NFIC: variants seen among roughly 807,000 people sequenced by gnomAD.
NFIC encodes the protein nuclear factor I C.
In NFIC, 12 loss-of-function variants were observed where a neutral mutation model predicts 54.4. The ratio of observed to expected loss-of-function variants is 0.22; its 90% CI spans 0.14 to 0.36. The LOEUF (loss-of-function observed/expected upper bound fraction) is 0.36. NFIC is among the 10% of genes least tolerant of loss of function. The pLI is 1.00. For missense variants in NFIC, 575 were observed against 718.2 expected, an observed-to-expected ratio of 0.80 and a Z score of 2.28; for synonymous variants, 322 against 319.2, an observed-to-expected ratio of 1.01 and a Z score of -0.09.
chr19:3,463,475 C>T lies in NFIC; in HGVS notation c.*706C>T. 1.0e-6 allele frequency: 1 copy of T among 985,396 alleles called. No homozygotes were observed. Among genetic ancestry groups the T allele is most frequent in the Non-Finnish European group, 1.2e-6 (1 of 829,972 alleles). The allele number at this position is 985,396 out of a possible 1,614,324, so 61.0% of individuals were successfully genotyped here. The stretch of plus-strand genomic sequence containing the variant: ...GGAGGAAGTGAGGCCCAGGCACCTG[C>T]TGCCCCTCGAGGGGGCCCTGCCTGC... On this transcript the variant is annotated 3_prime_UTR_variant, in exon 11 of 11. Coordinates refer to ENST00000443272, the MANE Select transcript of NFIC (RefSeq NM_001245002.2).
intron 2 of NFIC, chr19:3,410,596 C>G (rs565865452): frequency 1.3e-5 from 2 of 152,540 alleles, no homozygotes; most frequent in Non-Finnish European, 2.9e-5. Context: ...TTGTGGGCCA[C>G]GGGAAGAAGG....
chr19:3,373,481 G>A (rs1335430115), intron 1 of NFIC, among the ~76,000 whole-genome samples: 1 of 151,604 alleles, frequency 6.6e-6, no homozygotes, highest in East Asian at 1.9e-4. Context: ...CCTCCTCGCT[G>A]TTCCTCTAAC....
At chr19:3,381,434 C>T (rs1451002347) in intron 1 of NFIC, among the ~76,000 whole-genome samples, 1 of 151,270 alleles carries the variant, frequency 6.6e-6, no homozygotes, top group Non-Finnish European at 1.5e-5. Context: ...CACAAACTTC[C>T]GCCTTGATTT....
chr19:3,452,315 A>G lies in NFIC; in HGVS notation c.1085-167A>G, dbSNP rs1568195930. Among the ~76,000 whole-genome samples the G allele has an allele frequency of 6.6e-6, 1 of 152,006 alleles. No individual in the cohort carries two copies. The highest frequency in any genetic ancestry group is 2.4e-5 in the African/African-American group (1 of 41,362). On this transcript the variant is annotated intron_variant, in intron 7 of 10. Coordinates refer to ENST00000443272, the MANE Select transcript of NFIC (RefSeq NM_001245002.2). This position sits in a 1 kb window ranked among gnomAD's most constrained non-coding sequence, Gnocchi z 5.3. Reference sequence around the variant, plus strand: ...AGTGGGGTTGCCGTGGGAGTCGGGGAATTTGGGTGTCAATGTGGTCAGTGC... The same window carrying G: ...AGTGGGGTTGCCGTGGGAGTCGGGGGATTTGGGTGTCAATGTGGTCAGTGC...
intron 2 of NFIC, among the ~76,000 whole-genome samples, chr19:3,398,284 C>CCTGAAACA (rs2081497305): frequency 6.6e-6 from 1 of 152,164 alleles, no homozygotes; most frequent in Admixed American, 6.5e-5. Flanking sequence ...GGGAGAAGGG[C>CCTGAAACA]CTGAAACACT....
intron 2 of NFIC, among the ~76,000 whole-genome samples, chr19:3,388,593 C>T (rs1449182342): frequency 1.3e-5 from 2 of 152,084 alleles, no homozygotes; most frequent in African/African-American, 4.8e-5. Context: ...GAGGCTGAGG[C>T]AGGAGGATCA....
chr19:3,362,312 G>A (rs1289063104), upstream of NFIC, among the ~76,000 whole-genome samples: 2 of 152,084 alleles, frequency 1.3e-5, no homozygotes, highest in African/African-American at 4.8e-5. Context: ...GTCTGCACTT[G>A]TGTGGGGGCA....
upstream of NFIC, among the ~76,000 whole-genome samples, chr19:3,362,697 C>A (rs569040429): frequency 2.0e-5 from 3 of 152,184 alleles, no homozygotes; most frequent in Admixed American, 1.3e-4. Context: ...ACTTTAACAT[C>A]CCTTCTTACA....
chr19:3,373,620 C>CCT (rs10633858), intron 1 of NFIC, among the ~76,000 whole-genome samples: 11,549 of 133,932 alleles, frequency 0.086, 791 homozygotes, highest in East Asian at 0.32. Context: ...TTCCTGGACC[C>CCT]CCCCCCCAAG....
At chr19:3,366,535 G>GGGGGGGGGTTGGGGGGGGC, upstream of NFIC, 1 of 100,010 alleles carries the variant, frequency 1.0e-5, no homozygotes, top group Non-Finnish European at 1.5e-5. Context: ...GCCGCGGGGC[G>GGGGGGGGGTTGGGGGGGGC]GGGGGGGGGG....
At chr19:3,394,529 C>CCCCCCG (rs1568418458) in intron 2 of NFIC, among the ~76,000 whole-genome samples, 1 of 69,600 alleles carries the variant, frequency 1.4e-5, no homozygotes, top group African/African-American at 6.6e-5. Flanking sequence ...ACCCACCCCC[C>CCCCCCG]ACCCGCTTAC....
At chr19:3,373,601 C>T (rs566720623) in intron 1 of NFIC, among the ~76,000 whole-genome samples, 2 of 150,954 alleles carry the variant, frequency 1.3e-5, no homozygotes, top group African/African-American at 4.9e-5. Context: ...TCTCCTCCTG[C>T]AAGAGACCTT....
intron 1 of NFIC, among the ~76,000 whole-genome samples, chr19:3,367,619 C>G (rs1025802301): frequency 5.9e-5 from 9 of 152,208 alleles, no homozygotes; most frequent in African/African-American, 2.2e-4. Flanking sequence ...CCCAGGCTCC[C>G]GGGGACCCCG....
chr19:3,447,732 C>A (rs2082394163), intron 6 of NFIC, among the ~76,000 whole-genome samples: 1 of 152,206 alleles, frequency 6.6e-6, no homozygotes, highest in Non-Finnish European at 1.5e-5. Context: ...GTAGACGTGG[C>A]AGCTCACCCC....
At chr19:3,372,407 A>T (rs2081035824) in intron 1 of NFIC, among the ~76,000 whole-genome samples, 1 of 151,854 alleles carries the variant, frequency 6.6e-6, no homozygotes, top group South Asian at 2.1e-4. Flanking sequence ...TTCCTTACAC[A>T]TGGGGGTGCA....
Position 3,459,472 on chromosome 19 carries a change from C to G in NFIC, c.1509+2837C>G, listed in dbSNP as rs1288174115. Among the ~76,000 whole-genome samples the G allele has an allele frequency of 6.6e-6, 1 of 152,138 alleles. No homozygotes were observed. The highest frequency in any genetic ancestry group is 1.5e-5 in the Non-Finnish European group (1 of 68,028). ...GGTAAACCGAGGGTGGGGGGCAAGG[C>G]GGGCATTGAGCCACATGCCGGGAGC... On this transcript the variant is annotated intron_variant, in intron 10 of 10. Coordinates refer to ENST00000443272, the MANE Select transcript of NFIC (RefSeq NM_001245002.2). This position sits in a 1 kb window ranked among gnomAD's most constrained non-coding sequence, Gnocchi z 4.2.
chr19:3,380,217 G>A (rs962283702), intron 1 of NFIC, among the ~76,000 whole-genome samples: 3 of 147,748 alleles, frequency 2.0e-5, no homozygotes, highest in Admixed American at 6.8e-5. Context: ...TGTTAGCCAG[G>A]ATGGTCTCAA....
upstream of NFIC, among the ~76,000 whole-genome samples, chr19:3,364,319 C>T (rs531555141): frequency 3.3e-5 from 5 of 152,302 alleles, no homozygotes; most frequent in South Asian, 8.3e-4. Context: ...CAGGTATTTG[C>T]TGACTTGCCT....
At chr19:3,397,142 T>G (rs1230206591) in intron 2 of NFIC, among the ~76,000 whole-genome samples, 3 of 152,114 alleles carry the variant, frequency 2.0e-5, no homozygotes, top group Non-Finnish European at 4.4e-5. Context: ...TACCTCACCG[T>G]CTCACAACCA....
Sources: gnomAD v4.1 joint callset for allele counts (sites outside exome capture counted in the v4.1 genomes callset) on GRCh38, gnomAD v4.1.1 for gene constraint, Gnocchi (gnomAD v3.1) non-coding constraint, MANE v1.5 for transcripts, NCBI Gene and HGNC (gene_info 2026-07-23, HGNC 2026-07-21) for gene names.